The following KCNJ16 variants were observed in gnomAD, a reference collection of about 807,000 sequenced individuals.
The protein encoded by KCNJ16 is potassium inwardly rectifying channel subfamily J member 16.
KCNJ16 carries 15 observed loss-of-function variants against 18.5 expected under a neutral mutation model. That is an observed-to-expected ratio of 0.81 (90% CI 0.54 to 1.25). The LOEUF (loss-of-function observed/expected upper bound fraction) is 1.25, where lower values mean the gene tolerates loss of function less well. Ranked by LOEUF, KCNJ16 falls within the 50% of genes most tolerant of loss-of-function variation. The pLI is 0.00. For synonymous variants in KCNJ16, 174 were observed against 186.5 expected (o/e 0.93, Z 0.55); for missense variants, 523 against 525.7 (o/e 0.99, Z 0.05).
chr17:70,087,595 T>C (rs866146420), intron 1 of KCNJ16, among the ~76,000 whole-genome samples: 1 of 152,032 alleles, frequency 6.6e-6, no homozygotes, highest in South Asian at 2.1e-4. Flanking sequence ...TAATTCCAGC[T>C]ATTCGGGAGG....
chr17:70,109,856 C>T (rs975576483), intron 2 of KCNJ16, among the ~76,000 whole-genome samples: 1 of 152,174 alleles, frequency 6.6e-6, no homozygotes, highest in Non-Finnish European at 1.5e-5. Context: ...GGATGATCCT[C>T]TCAGCTCCCA....
At chr17:70,088,497 CT>C (rs1567780213) in intron 1 of KCNJ16, among the ~76,000 whole-genome samples, 1 of 152,146 alleles carries the variant, frequency 6.6e-6, no homozygotes, top group South Asian at 2.1e-4. Flanking sequence ...TTGAGGACCC[CT>C]GTCTTAGGGA....
intron 2 of KCNJ16, among the ~76,000 whole-genome samples, chr17:70,127,525 C>T (rs2073896439): frequency 1.3e-5 from 2 of 151,796 alleles, no homozygotes; most frequent in African/African-American, 4.8e-5. Context: ...CTTAATACCT[C>T]TCTCTCTCTG....
intron 1 of KCNJ16, among the ~76,000 whole-genome samples, chr17:70,098,860 A>T (rs530803060): frequency 1.3e-5 from 2 of 152,180 alleles, no homozygotes; most frequent in African/African-American, 4.8e-5. Context: ...TTATGAATTA[A>T]AATATATAAC....
intron 1 of KCNJ16, among the ~76,000 whole-genome samples, chr17:70,096,027 C>T (rs374815172): frequency 2.0e-5 from 3 of 151,652 alleles, no homozygotes; most frequent in Middle Eastern, 3.4e-3. Context: ...GGACTACAGG[C>T]GCCCACCACC....
chr17:70,117,000 T>C (rs1278496564), intron 2 of KCNJ16, among the ~76,000 whole-genome samples: 1 of 152,120 alleles, frequency 6.6e-6, no homozygotes, highest in African/African-American at 2.4e-5. Context: ...TCTCATGCAC[T>C]CACATGTTGA....
chr17:70,096,046 C>T (rs981597748), intron 1 of KCNJ16, among the ~76,000 whole-genome samples: 2 of 151,814 alleles, frequency 1.3e-5, no homozygotes, highest in African/African-American at 4.8e-5. Flanking sequence ...CCATGTCTGG[C>T]TAATTTTTTG....
rs567588526 is a variant in KCNJ16 at position 70,085,063 on chromosome 17, T to C, written c.-300+9673T>C. Reference sequence around the variant, plus strand: ...CCATGTTTTCTCTGTATCATGAAGATACTGTCACAATGACAGGTGAGCTCA... The same window carrying C: ...CCATGTTTTCTCTGTATCATGAAGACACTGTCACAATGACAGGTGAGCTCA... On this transcript the variant is annotated intron_variant, in intron 1 of 3. Transcript: ENST00000392671. 2.0e-5 allele frequency among the ~76,000 whole-genome samples: 3 copies of C among 152,354 alleles called. No homozygotes were observed. The South Asian group carries it at 6.2e-4, about 32-fold the overall frequency.
At chr17:70,127,752 TATCTC>T (rs1292131383) in intron 2 of KCNJ16, among the ~76,000 whole-genome samples, 2 of 152,162 alleles carry the variant, frequency 1.3e-5, no homozygotes, top group Non-Finnish European at 2.9e-5. Context: ...CACCAAAACT[TATCTC>T]ATCTTATAGT....
chr17:70,128,215 C>T lies in KCNJ16; in HGVS notation c.-190-2664C>T, dbSNP rs1233976744. 3 of 152,256 alleles carry T rather than the reference C, an allele frequency of 2.0e-5. No individual in the cohort carries two copies. The East Asian group carries it at 5.8e-4, about 29-fold the overall frequency. 9.4% of individuals were successfully genotyped at this position (152,256 alleles called of 1,614,324 possible). A position where few individuals can be genotyped will look rare whatever the true frequency, so the allele number is the denominator to read the frequency against. On this transcript the variant is annotated intron_variant, in intron 2 of 3. Transcript: ENST00000392671. ...TTTGTTATGTTGAGAATGTTCCTTG[C>T]TGTGTTTATAGCTTATTTGAAATGT...
intron 2 of KCNJ16, chr17:70,105,049 A>G (rs2072852865): frequency 6.6e-6 from 1 of 152,580 alleles, no homozygotes; most frequent in South Asian, 2.1e-4. Context: ...TGGGGTTCAG[A>G]TCTGCACTTC....
intron 1 of KCNJ16, among the ~76,000 whole-genome samples, chr17:70,096,369 T>C (rs1037736925): frequency 3.3e-5 from 5 of 152,224 alleles, no homozygotes; most frequent in Middle Eastern, 3.2e-3. Context: ...CTGAGAAATA[T>C]GTGGTCTCTC....
intron 1 of KCNJ16, among the ~76,000 whole-genome samples, chr17:70,085,561 T>C (rs1021985971): frequency 6.6e-6 from 1 of 152,220 alleles, no homozygotes; most frequent in Non-Finnish European, 1.5e-5. Flanking sequence ...ACACGTTCTT[T>C]GGATTACATA....
rs2074075186 is a variant in KCNJ16, at chr17:70,132,113, A to AT, written c.27dup (p.Ile10TyrfsTer19). On this transcript the variant is annotated frameshift_variant, in exon 4 of 4. Transcript: ENST00000392671. LOFTEE classifies it high-confidence loss of function. The stretch of plus-strand genomic sequence containing the variant: ...ATGAGCTATTACGGCAGCAGCTATC[A>AT]TATTATCAATGCGGACGCAAAATAC... 6.2e-7 allele frequency: 1 copy of AT among 1,614,254 alleles called. No individual in the cohort carries two copies. The highest frequency in any genetic ancestry group is 8.5e-7 in the Non-Finnish European group (1 of 1,180,038).
intron 1 of KCNJ16, among the ~76,000 whole-genome samples, chr17:70,098,887 C>G (rs2072502083): frequency 1.3e-5 from 2 of 152,112 alleles, no homozygotes; most frequent in Admixed American, 6.6e-5. Context: ...TAAAGACATT[C>G]AAAGAACAAC....
Position 70,132,482 on chromosome 17 carries a change from T to G in KCNJ16, c.395T>G (p.Ile132Arg), listed in dbSNP as rs1202942323. 32 of 1,614,040 alleles carry G rather than the reference T, an allele frequency of 2.0e-5. No individual in the cohort carries two copies. The highest frequency in any genetic ancestry group is 2.7e-5 in the Non-Finnish European group (32 of 1,180,042). ...TTCTCCCTAGAGACCCAAACCACCATAGGATATGGTTATCGCTGTGTTACT... is the reference window on the plus strand; with the variant it reads ...TTCTCCCTAGAGACCCAAACCACCAGAGGATATGGTTATCGCTGTGTTACT... ...FLFSLETQTT[I>R]GYGYRCVTEE... Residue 132 changes from isoleucine (I) to arginine (R), a missense_variant, in exon 4 of 4, where the codon ATA becomes AGA. Transcript: ENST00000392671.
chr17:70,098,224 G>A (rs1598116343), intron 1 of KCNJ16, among the ~76,000 whole-genome samples: 1 of 152,168 alleles, frequency 6.6e-6, no homozygotes, highest in Admixed American at 6.5e-5. Context: ...GAGTAAGGGT[G>A]TAAATTGCAC....
chr17:70,112,349 G>A (rs2073222140), intron 2 of KCNJ16, among the ~76,000 whole-genome samples: 2 of 151,212 alleles, frequency 1.3e-5, no homozygotes, highest in Non-Finnish European at 2.9e-5. Flanking sequence ...TGTCTTTGAG[G>A]ACTGGTTTCT....
Position 70,132,854 on chromosome 17 carries a change from A to T in KCNJ16, c.767A>T (p.Glu256Val), listed in dbSNP as rs373312439. The change falls in exon 4 of 4, where the codon GAA becomes GTA. Residue 256 changes from glutamate to valine, a missense_variant. Transcript: ENST00000392671. ...ILVTPVTIVH[E>V]IDHESPLYAL... is the part of the protein sequence containing the mutation. ...GTCACCCCGGTAACTATTGTCCATG[A>T]AATTGACCATGAGAGCCCTCTGTAT... is the stretch of plus-strand genomic sequence containing the variant. 6.2e-7 allele frequency: 1 copy of T among 1,613,980 alleles called. No homozygotes were observed. Among genetic ancestry groups the T allele is most frequent in the Non-Finnish European group, 8.5e-7 (1 of 1,180,044 alleles).
Sources: gnomAD v4.1 joint callset for allele counts (sites outside exome capture counted in the v4.1 genomes callset) on GRCh38, gnomAD v4.1.1 for gene constraint, MANE v1.5 for transcripts, NCBI Gene and HGNC (gene_info 2026-07-23, HGNC 2026-07-21) for gene names.